ENTPD1: variants seen among roughly 807,000 people sequenced by gnomAD.
ENTPD1 encodes the protein ectonucleoside triphosphate diphosphohydrolase 1.
ENTPD1 carries 33 observed loss-of-function variants against 57.0 expected under a neutral mutation model. The observed-to-expected ratio is 0.58, with a 90% CI of 0.44 to 0.77. ENTPD1 has a LOEUF of 0.77. Among genes scored for constraint, ENTPD1 ranks in the 30% least tolerant of loss-of-function variants. The pLI, the probability that ENTPD1 is intolerant of heterozygous loss-of-function variation, is 0.00. For synonymous variants in ENTPD1, 202 were observed against 218.8 expected, an observed-to-expected ratio of 0.92 and a Z score of 0.68; for missense variants, 501 against 603.4, an observed-to-expected ratio of 0.83 and a Z score of 1.78.
At chr10:95,807,016 T>C (rs555204608) in intron 1 of ENTPD1, among the ~76,000 whole-genome samples, 7 of 152,290 alleles carry the variant, frequency 4.6e-5, no homozygotes, top group Admixed American at 3.9e-4. Flanking sequence ...TCAAACACCA[T>C]GCTGGGAGAA....
intron 2 of ENTPD1, among the ~76,000 whole-genome samples, chr10:95,836,181 A>G (rs1043437869): frequency 6.6e-6 from 1 of 152,134 alleles, no homozygotes; most frequent in Non-Finnish European, 1.5e-5. Flanking sequence ...CCATTGATCT[A>G]TGTATCTATT....
intron 1 of ENTPD1, among the ~76,000 whole-genome samples, chr10:95,790,019 G>A (rs2098196878): frequency 6.6e-6 from 1 of 152,108 alleles, no homozygotes; most frequent in African/African-American, 2.4e-5. Flanking sequence ...ATAACAACAT[G>A]GGACCCATTC....
intron 1 of ENTPD1, among the ~76,000 whole-genome samples, chr10:95,792,208 T>G (rs114976577): frequency 0.037 from 5,679 of 152,250 alleles, 130 homozygotes; most frequent in Non-Finnish European, 0.049. Flanking sequence ...TACAGCACTT[T>G]CAGTGTTAAA....
chr10:95,859,739 A>G (rs2098462032), intron 7 of ENTPD1, among the ~76,000 whole-genome samples: 1 of 152,212 alleles, frequency 6.6e-6, no homozygotes, highest in Non-Finnish European at 1.5e-5. Flanking sequence ...ATGAAGTATA[A>G]TAAACATTTT....
chr10:95,763,274 T>C (rs933314557), intron 1 of ENTPD1, among the ~76,000 whole-genome samples: 1 of 152,098 alleles, frequency 6.6e-6, no homozygotes, highest in Non-Finnish European at 1.5e-5. Flanking sequence ...TCCAACACAT[T>C]TTTATATGTG....
chr10:95,798,360 A>G (rs1380415594), intron 1 of ENTPD1, among the ~76,000 whole-genome samples: 1 of 152,106 alleles, frequency 6.6e-6, no homozygotes, highest in African/African-American at 2.4e-5. Flanking sequence ...AAGTTAGAGA[A>G]AGTCAAGTAA....
chr10:95,804,173 C>T (rs995941777), intron 1 of ENTPD1, among the ~76,000 whole-genome samples: 3 of 152,168 alleles, frequency 2.0e-5, no homozygotes, highest in African/African-American at 7.2e-5. Context: ...TTAGGATTGT[C>T]TTGGCAATGT....
intron 7 of ENTPD1, among the ~76,000 whole-genome samples, chr10:95,858,940 T>G (rs1007591454): frequency 6.6e-6 from 1 of 152,194 alleles, no homozygotes; most frequent in Non-Finnish European, 1.5e-5. Flanking sequence ...AAGAATCTGT[T>G]TAAAATTTCA....
chr10:95,724,474 TC>T (rs1206495305), intron 1 of ENTPD1, among the ~76,000 whole-genome samples: 2 of 152,146 alleles, frequency 1.3e-5, no homozygotes, highest in African/African-American at 4.8e-5. Flanking sequence ...CCTCACGGAT[TC>T]CAAGGAATGG....
chr10:95,713,823 A>G (rs887578160), intron 1 of ENTPD1, among the ~76,000 whole-genome samples: 1 of 151,746 alleles, frequency 6.6e-6, no homozygotes, highest in African/African-American at 2.4e-5. Flanking sequence ...AGCAGAAAGG[A>G]AAAAAAATCT....
At chr10:95,751,278 C>T (rs889962235), upstream of ENTPD1, among the ~76,000 whole-genome samples, 8 of 151,948 alleles carry the variant, frequency 5.3e-5, no homozygotes, top group Admixed American at 2.6e-4. Context: ...GCAGAAGTGA[C>T]GAGAATGGAG....
At chr10:95,755,607 A>T (rs1029286533), upstream of ENTPD1, 12 of 1,304,136 alleles carry the variant, frequency 9.2e-6, no homozygotes, top group South Asian at 1.6e-4. Context: ...CAGCCTTCCA[A>T]CCAATAACGC....
chr10:95,782,754 A>G (rs560030598), intron 1 of ENTPD1, among the ~76,000 whole-genome samples: 86 of 152,264 alleles, frequency 5.6e-4, no homozygotes, highest in African/African-American at 2.0e-3. Context: ...CCCAACCCCA[A>G]CAGTTTTTCT....
At chr10:95,750,487 C>T (rs1265313416) in intron 1 of ENTPD1, among the ~76,000 whole-genome samples, 1 of 152,186 alleles carries the variant, frequency 6.6e-6, no homozygotes, top group African/African-American at 2.4e-5. Flanking sequence ...TCACCTTCTG[C>T]CATGATTGTA....
chr10:95,696,570 G>A, the ENTPD1 span, among the ~76,000 whole-genome samples: 13 of 152,282 alleles, frequency 8.5e-5, no homozygotes, highest in South Asian at 1.2e-3. Context: ...ATGAGCCACC[G>A]TGCCTGGCAT....
rs1399077225 is a variant in ENTPD1 at position 95,759,569 on chromosome 10, A to G, written c.16+3314A>G. On this transcript the variant is annotated intron_variant, in intron 1 of 9. Coordinates refer to ENST00000371205, the MANE Select transcript of ENTPD1 (RefSeq NM_001776.6). Reference sequence around the variant, plus strand: ...ACAGAAGTTGGCCCTGGGAAAAATCATAAAGTACGCTATGGTTTTTTCCAG... The same window carrying G: ...ACAGAAGTTGGCCCTGGGAAAAATCGTAAAGTACGCTATGGTTTTTTCCAG... Among the ~76,000 whole-genome samples, 3 of 152,246 alleles carry G rather than the reference A, an allele frequency of 2.0e-5. No individual in the cohort carries two copies. The East Asian group carries it at 5.8e-4, about 29-fold the overall frequency.
chr10:95,714,786 A>G (rs1443287852), intron 1 of ENTPD1, among the ~76,000 whole-genome samples: 4 of 150,882 alleles, frequency 2.7e-5, no homozygotes, highest in Admixed American at 2.6e-4. Context: ...TTTTTTTTTT[A>G]GAATATGCAG....
chr10:95,843,372 T>C (rs2098426457), intron 4 of ENTPD1: 1 of 152,168 alleles, frequency 6.6e-6, no homozygotes, highest in East Asian at 1.9e-4. Flanking sequence ...AGGTAAGTAG[T>C]GTAAAATAAT....
At chr10:95,816,120 C>A (rs2098329352) in intron 1 of ENTPD1, among the ~76,000 whole-genome samples, 1 of 152,196 alleles carries the variant, frequency 6.6e-6, no homozygotes, top group Non-Finnish European at 1.5e-5. Flanking sequence ...CAGGAAGTTG[C>A]TTCTCCCTGG....
Sources: gnomAD v4.1 joint callset for allele counts (sites outside exome capture counted in the v4.1 genomes callset) on GRCh38, gnomAD v4.1.1 for gene constraint, MANE v1.5 for transcripts, NCBI Gene and HGNC (gene_info 2026-07-23, HGNC 2026-07-21) for gene names.